The following PKD1L3 variants were observed in gnomAD, a reference collection of about 807,000 sequenced individuals.
PKD1L3 encodes polycystin 1 like 3, transient receptor potential channel interacting, also known as polycystin-1-like protein 3.
In PKD1L3, 239 loss-of-function variants were observed where a neutral mutation model predicts 184.1. That is an observed-to-expected ratio of 1.30 (90% CI 1.17 to 1.45). The LOEUF (loss-of-function observed/expected upper bound fraction) is 1.45. PKD1L3 is among the 40% of genes most tolerant of loss of function. PKD1L3 has a pLI of 0.00. For synonymous variants in PKD1L3, 996 were observed against 778.8 expected (o/e 1.28, Z -4.64); for missense variants, 2,660 against 2,067.2 (o/e 1.29, Z -5.56).
Position 71,963,461 on chromosome 16 carries a change from C to T in PKD1L3, c.2466-110G>A. 2.6e-6 allele frequency: 3 copies of T among 1,154,912 alleles called. No individual in the cohort carries two copies. The South Asian group carries it at 6.2e-5, about 24-fold the overall frequency. The allele number at this position is 1,154,912 out of a possible 1,614,324, so 71.5% of individuals were successfully genotyped here. ...AACTGTCCAAGTAAATGAACTGTTT[C>T]ATTGCAAGGCAAGAACTAAGGAAAG... is the stretch of plus-strand genomic sequence containing the variant. On this transcript the variant is annotated intron_variant, in intron 15 of 29. Coordinates refer to ENST00000620267, the MANE Select transcript of PKD1L3 (RefSeq NM_181536.2).
At chr16:71,950,378 T>C in intron 19 of PKD1L3, 68 bp from the exon 20 acceptor site, 1 of 1,341,626 alleles carries the variant, frequency 7.5e-7, no homozygotes, top group Non-Finnish European at 1.0e-6. Flanking sequence ...GTGGTAGAGA[T>C]TAACAATTCA....
chr16:71,967,415 T>C, intron 14 of PKD1L3, 100 bp from the exon 15 acceptor site: 2 of 1,168,580 alleles, frequency 1.7e-6, no homozygotes, highest in Admixed American at 2.8e-5. Flanking sequence ...ACTATTTAGA[T>C]CAAGTCTTTC....
intron 2 of PKD1L3, among the ~76,000 whole-genome samples, chr16:71,995,487 C>G (rs751059846): frequency 6.6e-6 from 1 of 152,036 alleles, no homozygotes; most frequent in Non-Finnish European, 1.5e-5. Flanking sequence ...GTTTTTGTTT[C>G]TCCTTCTGTT....
chr16:71,961,033 A>G (rs12926804), intron 16 of PKD1L3, among the ~76,000 whole-genome samples: 11,849 of 151,942 alleles, frequency 0.078, 613 homozygotes, highest in Non-Finnish European at 0.12. Flanking sequence ...TTTAAAACAT[A>G]TATTTTTGGT....
In PKD1L3 at chr16:71,944,088, C is replaced by T. The variant is rs2038465730; in HGVS notation, c.3801G>A (p.Lys1267=). The T allele has an allele frequency of 1.3e-6, 2 of 1,551,928 alleles. No homozygotes were observed. The highest frequency in any genetic ancestry group is 1.7e-6 in the Non-Finnish European group (2 of 1,146,932). The change falls in exon 23 of 30, where the codon AAG becomes AAA. Residue 1267 remains lysine (K), a synonymous_variant. Coordinates refer to ENST00000620267, the MANE Select transcript of PKD1L3 (RefSeq NM_181536.2). ...YVAPAINSPT[K]HPERTLKKKK... is the part of the protein sequence containing the mutation. The stretch of plus-strand genomic sequence containing the variant: ...TCTTTTTCAAGGTTCTTTCTGGGTG[C>T]TTAGTTGGACTATTTATAGCTGGGG...
Position 71,986,352 on chromosome 16 carries a change from G to C in PKD1L3, c.703C>G (p.Leu235Val), listed in dbSNP as rs1336143212. Residue 235 changes from leucine (L) to valine (V), a missense_variant, in exon 5 of 30, where the codon CTC becomes GTC. By Grantham distance (32) the Leu-to-Val change is conservative. Transcript: ENST00000620267. ...SSQPLPVITQ[L>V]TMPVSVTHAG... is the part of the protein sequence containing the mutation. ...TGCGTGACAGACACGGGCATGGTGA[G>C]CTGTGTTATCACAGGGAGAGGCTGG... The C allele has an allele frequency of 6.4e-7, 1 of 1,551,484 alleles. No individual in the cohort carries two copies. Among genetic ancestry groups the C allele is most frequent in the Admixed American group, 2.0e-5 (1 of 50,998 alleles).
intron 5 of PKD1L3, 136 bp downstream of exon 5, chr16:71,986,085 A>T: frequency 1.4e-5 from 16 of 1,150,644 alleles, no homozygotes; most frequent in Non-Finnish European, 1.9e-5. Flanking sequence ...GGACTTGTTT[A>T]GTTTTTGTTT....
At chr16:71,931,021 T>A (rs2037937146) in intron 28 of PKD1L3, 1 of 152,244 alleles carries the variant, frequency 6.6e-6, no homozygotes, top group Non-Finnish European at 1.5e-5. Context: ...TCTCTGAGTT[T>A]GTGATACAAG....
At position 71,942,894 on chromosome 16, in the gene PKD1L3, A is replaced by C. The variant is rs1387943556; in HGVS notation, c.3990T>G (p.Asp1330Glu). The C allele has an allele frequency of 6.4e-7, 1 of 1,551,664 alleles. No individual in the cohort carries two copies. The highest frequency in any genetic ancestry group is 2.4e-5 in the East Asian group (1 of 40,918). ...HQFSEIKLLQ[D>E]FYPWANHILL... ...GGATATGATTGGCCCAGGGGTAGAAATCCTGAAGAAGTTTGATTTCCGAGA... is the reference window on the plus strand; with the variant it reads ...GGATATGATTGGCCCAGGGGTAGAACTCCTGAAGAAGTTTGATTTCCGAGA... Residue 1330 changes from aspartate (D) to glutamate (E), a missense_variant, in exon 24 of 30, where the codon GAT (aspartate) becomes GAG (glutamate). Coordinates refer to ENST00000620267, the MANE Select transcript of PKD1L3 (RefSeq NM_181536.2).
At chr16:71,932,268 GGTCATATCTACCC>G (rs2038000666) in intron 28 of PKD1L3, among the ~76,000 whole-genome samples, 1 of 152,078 alleles carries the variant, frequency 6.6e-6, no homozygotes, top group Non-Finnish European at 1.5e-5. Context: ...TTCCTTGCTT[GGTCATATCTACCC>G]TTTACATACC....
rs1366155767 is a variant in PKD1L3 at position 71,979,801 on chromosome 16, T to TA, written c.1382_1383insT (p.Gly462ArgfsTer3). The TA allele has an allele frequency of 1.3e-6, 2 of 1,507,546 alleles. No individual in the cohort carries two copies. Among genetic ancestry groups the TA allele is most frequent in the Admixed American group, 2.7e-5 (1 of 36,552 alleles). 93.4% of individuals were successfully genotyped at this position (1,507,546 alleles called of 1,614,324 possible). The stretch of plus-strand genomic sequence containing the variant: ...TCACACTCACTTGGACATTAACTCC[T>TA]GGATGTTTATTCAAGAGCTCCTTCA... On this transcript the variant is annotated frameshift_variant, in exon 9 of 30. Coordinates refer to ENST00000620267, the MANE Select transcript of PKD1L3 (RefSeq NM_181536.2). LOFTEE classifies it high-confidence loss of function.
At chr16:71,955,453 G>T (rs2039007718) in intron 16 of PKD1L3, among the ~76,000 whole-genome samples, 1 of 151,834 alleles carries the variant, frequency 6.6e-6, no homozygotes, top group African/African-American at 2.4e-5. Flanking sequence ...ACAAAAAAAG[G>T]GGTGTATATA....
intron 15 of PKD1L3, among the ~76,000 whole-genome samples, chr16:71,963,780 C>CA (rs140447613): frequency 0.095 from 14,402 of 151,150 alleles, 1,659 homozygotes; most frequent in East Asian, 0.4. Context: ...GAGACTCTGT[C>CA]AAAAAAAACA....
intron 22 of PKD1L3, among the ~76,000 whole-genome samples, chr16:71,945,751 A>G (rs2038579453): frequency 6.6e-6 from 1 of 152,100 alleles, no homozygotes; most frequent in Non-Finnish European, 1.5e-5. Context: ...TCCAAGCACC[A>G]TGGGATCAGT....
chr16:71,990,435 T>C, intron 3 of PKD1L3, 106 bp from the exon 4 acceptor site: 4 of 1,010,748 alleles, frequency 4.0e-6, no homozygotes, highest in Non-Finnish European at 4.3e-6. Flanking sequence ...GCAAATTGTT[T>C]TACATAGAAA....
chr16:71,943,996 G>T, intron 23 of PKD1L3, 34 bp downstream of exon 23: 1 of 1,532,576 alleles, frequency 6.5e-7, no homozygotes, highest in Non-Finnish European at 8.8e-7. Flanking sequence ...AAAAGGTGCT[G>T]TGTTATCAGT....
At chr16:71,962,599 A>G (rs8047643) in intron 16 of PKD1L3, among the ~76,000 whole-genome samples, 42,584 of 151,814 alleles carry the variant, frequency 0.28, 6,258 homozygotes, top group South Asian at 0.41. Flanking sequence ...CAGTTCTCCT[A>G]CCTTAGCCTC....
Position 71,942,867 on chromosome 16 carries a change from A to G in PKD1L3, c.4017T>C (p.Leu1339=), listed in dbSNP as rs1230818389. The change falls in exon 24 of 30, where the codon CTT becomes CTC. Residue 1339 remains leucine, a synonymous_variant. Coordinates refer to ENST00000620267, the MANE Select transcript of PKD1L3 (RefSeq NM_181536.2). ...QDFYPWANHI[L]LPSLYGDYRG... is the part of the protein sequence containing the mutation. ...TGTAATCCCCATACAGGCTAGGAAG[A>G]AGGATATGATTGGCCCAGGGGTAGA... 9 of 1,551,690 alleles carry G rather than the reference A, an allele frequency of 5.8e-6. No homozygotes were observed. In the South Asian group the frequency reaches 7.1e-5, roughly 12 times the overall value.
At chr16:71,978,208 G>A (rs1449633182) in intron 10 of PKD1L3, 47 bp downstream of exon 10, 1 of 1,518,286 alleles carries the variant, frequency 6.6e-7, no homozygotes, top group African/African-American at 1.4e-5. Flanking sequence ...TCCTGTTGCA[G>A]AATATCCCAT....
Sources: allele counts gnomAD v4.1 joint callset (sites outside exome capture counted in the v4.1 genomes callset), GRCh38; gene constraint gnomAD v4.1.1; transcripts MANE v1.5; gene names NCBI Gene and HGNC (gene_info 2026-07-23, HGNC 2026-07-21).